RCAN1: variants seen among roughly 807,000 people sequenced by gnomAD.
The protein encoded by RCAN1 is calcipressin-1.
Under a neutral mutation model 22.9 loss-of-function variants are expected in RCAN1, and 11 were observed. The observed-to-expected ratio is 0.48, with a 90% CI of 0.30 to 0.79. The LOEUF is 0.79. RCAN1 is among the 30% of genes least tolerant of loss of function. The probability of loss-of-function intolerance (pLI) is 0.06; values close to 1 mark genes in which losing one functional copy is unlikely to be tolerated. For missense variants in RCAN1, 291 were observed against 337.8 expected, an observed-to-expected ratio of 0.86 and a Z score of 1.09; for synonymous variants, 136 against 142.3, an observed-to-expected ratio of 0.96 and a Z score of 0.32.
intron 1 of RCAN1, among the ~76,000 whole-genome samples, chr21:34,565,556 C>T (rs1470526588): frequency 6.6e-6 from 1 of 152,160 alleles, no homozygotes; most frequent in African/African-American, 2.4e-5. Flanking sequence ...GGAGTACAGC[C>T]ATAACTGAGG....
chr21:34,548,345 A>G (rs1334893047), intron 1 of RCAN1, among the ~76,000 whole-genome samples: 1 of 152,154 alleles, frequency 6.6e-6, no homozygotes, highest in Non-Finnish European at 1.5e-5. Flanking sequence ...GCATGGCTAG[A>G]TATGTGCTGG....
chr21:34,526,850 T>C, intron 1 of RCAN1: 9 of 1,494,974 alleles, frequency 6.0e-6, no homozygotes, highest in Non-Finnish European at 7.1e-6. Flanking sequence ...CTGGTGCTTA[T>C]AAAGCAGTAA....
chr21:34,535,766 C>T (rs1568892957), intron 1 of RCAN1, among the ~76,000 whole-genome samples: 1 of 151,788 alleles, frequency 6.6e-6, no homozygotes, highest in Non-Finnish European at 1.5e-5. Flanking sequence ...ATGCCAGTGA[C>T]CAAAATGATG....
At chr21:34,601,817 C>CA (rs202036960) in intron 1 of RCAN1, among the ~76,000 whole-genome samples, 6,390 of 82,716 alleles carry the variant, frequency 0.077, 260 homozygotes, top group East Asian at 0.18. Flanking sequence ...GACTCTGTCT[C>CA]AAAAAAAAAA....
chr21:34,601,002 C>A (rs1258626410), intron 1 of RCAN1, among the ~76,000 whole-genome samples: 1 of 152,184 alleles, frequency 6.6e-6, no homozygotes, highest in Non-Finnish European at 1.5e-5. Flanking sequence ...AGCTGCAGGA[C>A]CCCCTGGCCT....
At chr21:34,560,552 T>C (rs1305080914) in intron 1 of RCAN1, among the ~76,000 whole-genome samples, 1 of 152,218 alleles carries the variant, frequency 6.6e-6, no homozygotes, top group East Asian at 1.9e-4. Context: ...TGGAAAACTT[T>C]ACAAAAGAGG....
intron 1 of RCAN1, among the ~76,000 whole-genome samples, chr21:34,592,622 G>A (rs1200243773): frequency 2.6e-5 from 4 of 152,022 alleles, no homozygotes; most frequent in Non-Finnish European, 4.4e-5. Context: ...TTTACTCTAC[G>A]CCGGGACTCC....
At chr21:34,541,846 A>G (rs954230581) in intron 1 of RCAN1, among the ~76,000 whole-genome samples, 1 of 152,150 alleles carries the variant, frequency 6.6e-6, no homozygotes, top group African/African-American at 2.4e-5. Flanking sequence ...AGGCAGGAGA[A>G]TGGTGTGAAC....
At chr21:34,564,089 C>T (rs1986916486) in intron 1 of RCAN1, among the ~76,000 whole-genome samples, 1 of 152,060 alleles carries the variant, frequency 6.6e-6, no homozygotes, top group Admixed American at 6.6e-5. Context: ...AGGCACCCTT[C>T]ACAGGGTGAA....
chr21:34,570,845 T>C (rs1201131620), intron 1 of RCAN1, among the ~76,000 whole-genome samples: 3 of 152,134 alleles, frequency 2.0e-5, no homozygotes, highest in Non-Finnish European at 4.4e-5. Context: ...TTATAGAAAT[T>C]TACATGACTT....
intron 3 of RCAN1, among the ~76,000 whole-genome samples, chr21:34,520,156 A>C (rs547627417): frequency 6.6e-6 from 1 of 152,358 alleles, no homozygotes; most frequent in South Asian, 2.1e-4. Context: ...CTGTTAAGTG[A>C]ACCAAGGACA....
chr21:34,547,877 C>T (rs1986209920), intron 1 of RCAN1, among the ~76,000 whole-genome samples: 1 of 152,156 alleles, frequency 6.6e-6, no homozygotes, highest in African/African-American at 2.4e-5. Flanking sequence ...ATAAGTTACC[C>T]AGTCTGTGGT....
intron 1 of RCAN1, among the ~76,000 whole-genome samples, chr21:34,525,893 A>G (rs1985011560): frequency 6.6e-6 from 1 of 150,968 alleles, no homozygotes; most frequent in South Asian, 2.1e-4. Context: ...ATGGAGTTAC[A>G]TTTGATTTTT....
intron 1 of RCAN1, among the ~76,000 whole-genome samples, chr21:34,529,018 GAT>G (rs1329350312): frequency 6.6e-6 from 1 of 151,498 alleles, no homozygotes; most frequent in East Asian, 1.9e-4. Context: ...TCATAGAAAT[GAT>G]AAATCTTTCA....
intron 1 of RCAN1, among the ~76,000 whole-genome samples, chr21:34,585,402 G>A (rs930678311): frequency 6.6e-6 from 1 of 152,130 alleles, no homozygotes; most frequent in Admixed American, 6.5e-5. Flanking sequence ...GAACAGTAAT[G>A]TCTAACAGGC....
intron 1 of RCAN1, among the ~76,000 whole-genome samples, chr21:34,609,112 GA>G (rs1444760938): frequency 6.6e-6 from 1 of 152,176 alleles, no homozygotes; most frequent in Non-Finnish European, 1.5e-5. Context: ...GTCAAAGTTT[GA>G]GTTAAGGTAA....
intron 2 of RCAN1, 52 bp from the exon 3 acceptor site, chr21:34,521,710 T>C: frequency 6.7e-7 from 1 of 1,494,322 alleles, no homozygotes; most frequent in East Asian, 2.3e-5. Context: ...AGAACTGCAG[T>C]GAGGCAACAG....
intron 2 of RCAN1, chr21:34,523,172 TG>T (rs1472308781): frequency 9.3e-6 from 2 of 214,686 alleles, no homozygotes; most frequent in Non-Finnish European, 1.9e-5. Flanking sequence ...CAGTCTAGAG[TG>T]GGTCATGAGC....
At chr21:34,604,921 G>A (rs765261001) in intron 1 of RCAN1, among the ~76,000 whole-genome samples, 2 of 152,220 alleles carry the variant, frequency 1.3e-5, no homozygotes, top group African/African-American at 2.4e-5. Context: ...TCAAATCTGG[G>A]TCTGCCTGGT....
Sources: allele counts gnomAD v4.1 joint callset (sites outside exome capture counted in the v4.1 genomes callset), GRCh38; gene constraint gnomAD v4.1.1; transcripts MANE v1.5; gene names NCBI Gene and HGNC (gene_info 2026-07-23, HGNC 2026-07-21).